The following ARID4B variants were observed in gnomAD, a reference collection of about 807,000 sequenced individuals.
The protein encoded by ARID4B is AT-rich interaction domain 4B.
A neutral mutation model predicts 147.5 loss-of-function variants in ARID4B; 26 were observed. The observed-to-expected ratio is 0.18, with a 90% CI of 0.13 to 0.24. The LOEUF is 0.24. ARID4B is among the 10% of genes least tolerant of loss of function. The pLI is 1.00. For missense variants in ARID4B, 1,179 were observed against 1,511.5 expected, an observed-to-expected ratio of 0.78 and a Z score of 3.65; for synonymous variants, 512 against 507.9, an observed-to-expected ratio of 1.01 and a Z score of -0.11.
At chr1:235,200,087 G>A (rs1164927526) in intron 17 of ARID4B, among the ~76,000 whole-genome samples, 2 of 151,878 alleles carry the variant, frequency 1.3e-5, no homozygotes, top group South Asian at 4.1e-4. Context: ...GGGAGGCCCA[G>A]ACAGGCAGAT....
At chr1:235,212,720 A>G (rs1013655167) in intron 17 of ARID4B, among the ~76,000 whole-genome samples, 4 of 152,218 alleles carry the variant, frequency 2.6e-5, no homozygotes, top group Non-Finnish European at 5.9e-5. Flanking sequence ...TAGTAAGGAC[A>G]GCCTCAAAAC....
At chr1:235,251,277 T>A (rs990169123) in intron 6 of ARID4B, among the ~76,000 whole-genome samples, 8 of 149,804 alleles carry the variant, frequency 5.3e-5, no homozygotes, top group Admixed American at 4.6e-4. Context: ...AACGACCAAT[T>A]TGGGTAGAGA....
chr1:235,257,110 T>C (rs1375153532), intron 4 of ARID4B, 50 bp downstream of exon 4: 1 of 1,273,166 alleles, frequency 7.9e-7, no homozygotes, highest in Admixed American at 1.7e-5. Context: ...CCAAGTATGA[T>C]TATTTTTTCC....
At chr1:235,229,159 C>A in intron 11 of ARID4B, 72 bp downstream of exon 11, 1 of 1,533,090 alleles carries the variant, frequency 6.5e-7, no homozygotes, top group Non-Finnish European at 8.8e-7. Flanking sequence ...TGACTTAATG[C>A]CAAATCCTAA....
chr1:235,210,606 A>G (rs1666652761), intron 17 of ARID4B, among the ~76,000 whole-genome samples: 1 of 152,212 alleles, frequency 6.6e-6, no homozygotes, highest in African/African-American at 2.4e-5. Context: ...TAACTGCTTA[A>G]TCTACTGAAG....
intron 11 of ARID4B, among the ~76,000 whole-genome samples, chr1:235,226,482 T>A (rs1347101119): frequency 2.0e-5 from 3 of 151,508 alleles, no homozygotes; most frequent in Non-Finnish European, 2.9e-5. Flanking sequence ...TGCCTCAGCC[T>A]CCCTAGTAGC....
intron 8 of ARID4B, among the ~76,000 whole-genome samples, chr1:235,236,248 C>T (rs1425408525): frequency 6.6e-6 from 1 of 152,088 alleles, no homozygotes; most frequent in Non-Finnish European, 1.5e-5. Context: ...CTATCCATCA[C>T]CGTCCAATGG....
chr1:235,202,119 T>G (rs1206024116), intron 17 of ARID4B, among the ~76,000 whole-genome samples: 1 of 151,470 alleles, frequency 6.6e-6, no homozygotes, highest in Non-Finnish European at 1.5e-5. Context: ...TTACAAATCA[T>G]AATTGGCCTT....
At chr1:235,242,239 C>A (rs1669033250) in intron 7 of ARID4B, among the ~76,000 whole-genome samples, 1 of 128,376 alleles carries the variant, frequency 7.8e-6, no homozygotes. Flanking sequence ...CAGAGTGAGA[C>A]TCCGTCTCAA....
chr1:235,326,221 T>C (rs1303896122), intron 2 of ARID4B, among the ~76,000 whole-genome samples: 3 of 152,162 alleles, frequency 2.0e-5, no homozygotes, highest in African/African-American at 7.2e-5. Context: ...TTTATCGTTA[T>C]CATTTCTTCC....
intron 19 of ARID4B, among the ~76,000 whole-genome samples, chr1:235,189,140 C>A (rs933467147): frequency 2.0e-5 from 3 of 152,080 alleles, no homozygotes; most frequent in African/African-American, 7.2e-5. Flanking sequence ...GTGGCTCACG[C>A]CTATAATCCC....
chr1:235,215,547 A>ATGTGTGTGTGTGTG (rs370429662), intron 16 of ARID4B, among the ~76,000 whole-genome samples: 4,648 of 136,080 alleles, frequency 0.034, 104 homozygotes, highest in Non-Finnish European at 0.051. Flanking sequence ...ACACATATAT[A>ATGTGTGTGTGTGTG]TGTGTGTGTG....
At position 235,240,302 on chromosome 1, in the gene ARID4B, A is replaced by G. The variant is rs1668902893; in HGVS notation, c.585+11T>C. ...TTTGAAATTAAACTCTTGTATACTG[A>G]AGCTACTCACCAATGCAGGAAACCA... On this transcript the variant is annotated intron_variant, in intron 8 of 23. Coordinates refer to ENST00000264183, the MANE Select transcript of ARID4B (RefSeq NM_016374.6). The G allele has an allele frequency of 6.2e-7, 1 of 1,604,132 alleles. No homozygotes were observed. Among genetic ancestry groups the G allele is most frequent in the Non-Finnish European group, 8.5e-7 (1 of 1,176,102 alleles).
chr1:235,235,250 G>T (rs1221357611), intron 8 of ARID4B, among the ~76,000 whole-genome samples: 12 of 151,856 alleles, frequency 7.9e-5, no homozygotes, highest in Admixed American at 7.9e-4. Flanking sequence ...ATAATAAGAG[G>T]AGTTTTGGGA....
chr1:235,292,903 A>C (rs1286915868), intron 2 of ARID4B, among the ~76,000 whole-genome samples: 3 of 152,252 alleles, frequency 2.0e-5, no homozygotes, highest in Admixed American at 2.0e-4. Flanking sequence ...GAAAAGCTAA[A>C]GTAGAACTAC....
intron 2 of ARID4B, chr1:235,296,426 G>GT (rs1021540001): frequency 2.1e-4 from 32 of 152,010 alleles, no homozygotes; most frequent in African/African-American, 7.5e-4. Context: ...CAAAACCTCT[G>GT]TAATTTTTCA....
chr1:235,199,700 A>C (rs1346326643), intron 17 of ARID4B, among the ~76,000 whole-genome samples: 1 of 152,150 alleles, frequency 6.6e-6, no homozygotes. Flanking sequence ...AGAAAATAAC[A>C]TGTGAGAATT....
chr1:235,255,240 T>TAGAG (rs1669885082), intron 5 of ARID4B, among the ~76,000 whole-genome samples: 1 of 90,296 alleles, frequency 1.1e-5, no homozygotes, highest in Admixed American at 1.2e-4. Context: ...GATAGATAGA[T>TAGAG]AGATAGATAG....
At chr1:235,224,922 C>G in intron 11 of ARID4B, 147 bp from the exon 12 acceptor site, 1 of 601,826 alleles carries the variant, frequency 1.7e-6, no homozygotes, top group Non-Finnish European at 2.9e-6. Flanking sequence ...TAACACTAAG[C>G]TGTTCAAAAC....
Sources: allele counts gnomAD v4.1 joint callset (sites outside exome capture counted in the v4.1 genomes callset), GRCh38; gene constraint gnomAD v4.1.1; transcripts MANE v1.5; gene names NCBI Gene and HGNC (gene_info 2026-07-23, HGNC 2026-07-21).